GALNT17: variants seen among roughly 807,000 people sequenced by gnomAD.
GALNT17 encodes polypeptide N-acetylgalactosaminyltransferase 17, also known as UDP-GalNAc:polypeptide N-acetylgalactosaminyltransferase-like 3.
GALNT17 carries 29 observed loss-of-function variants against 63.7 expected under a neutral mutation model. The observed-to-expected ratio is 0.46, with a 90% CI of 0.34 to 0.62. GALNT17 has a LOEUF of 0.62. Among genes scored for constraint, GALNT17 ranks in the 20% least tolerant of loss-of-function variants. The pLI is 0.01. For missense variants in GALNT17, 603 were observed against 799.6 expected, an observed-to-expected ratio of 0.75 and a Z score of 2.97; for synonymous variants, 305 against 318.3, an observed-to-expected ratio of 0.96 and a Z score of 0.45.
intron 5 of GALNT17, among the ~76,000 whole-genome samples, chr7:71,491,767 T>C (rs145089409): frequency 8.5e-5 from 13 of 152,314 alleles, no homozygotes; most frequent in African/African-American, 3.1e-4. Context: ...TCTGCATTTC[T>C]AGCAAGTACC....
Position 71,539,223 on chromosome 7 carries a change from C to T in GALNT17, c.963-32062C>T, listed in dbSNP as rs144336905. Reference sequence around the variant, plus strand: ...CTGGCATTACAGGCATGAGCCACACCGTGCCCAGCCTCAGGATACTCATTG... The same window carrying T: ...CTGGCATTACAGGCATGAGCCACACTGTGCCCAGCCTCAGGATACTCATTG... On this transcript the variant is annotated intron_variant, in intron 5 of 10. Transcript: ENST00000333538. 9.2e-5 allele frequency among the ~76,000 whole-genome samples: 14 copies of T among 152,236 alleles called. No individual in the cohort carries two copies. The East Asian group carries it at 2.5e-3, about 27-fold the overall frequency.
intron 5 of GALNT17, among the ~76,000 whole-genome samples, chr7:71,425,755 C>T (rs1273409339): frequency 6.6e-6 from 1 of 151,906 alleles, no homozygotes; most frequent in Non-Finnish European, 1.5e-5. Context: ...CAGTGGGCAC[C>T]TGTGGTATGT....
At chr7:71,238,127 G>C (rs1253149485) in intron 1 of GALNT17, among the ~76,000 whole-genome samples, 1 of 152,144 alleles carries the variant, frequency 6.6e-6, no homozygotes, top group East Asian at 1.9e-4. Context: ...CTCCCCTGTG[G>C]CACAGAGCAC....
At chr7:71,258,046 A>G (rs926013680) in intron 1 of GALNT17, among the ~76,000 whole-genome samples, 4 of 152,124 alleles carry the variant, frequency 2.6e-5, no homozygotes, top group African/African-American at 9.7e-5. Flanking sequence ...AATACCAATG[A>G]ATTGAGACGG....
intron 1 of GALNT17, among the ~76,000 whole-genome samples, chr7:71,271,964 G>A (rs1790601147): frequency 6.6e-6 from 1 of 152,150 alleles, no homozygotes; most frequent in South Asian, 2.1e-4. Flanking sequence ...TCCCTATGTT[G>A]GCCAGGCTGA....
chr7:71,532,395 G>A (rs1171877520), intron 5 of GALNT17, among the ~76,000 whole-genome samples: 1 of 152,104 alleles, frequency 6.6e-6, no homozygotes, highest in African/African-American at 2.4e-5. Context: ...GAGGAGAAGA[G>A]ACAGATCATT....
intron 3 of GALNT17, among the ~76,000 whole-genome samples, chr7:71,391,060 C>T (rs1583913201): frequency 6.6e-6 from 1 of 152,232 alleles, no homozygotes; most frequent in African/African-American, 2.4e-5. Context: ...ACAGTGGACT[C>T]TCTGAACTGG....
chr7:71,665,704 A>T (rs1254933639), intron 7 of GALNT17, 108 bp downstream of exon 7: 1 of 1,322,868 alleles, frequency 7.6e-7, no homozygotes, highest in Admixed American at 2.9e-5. Context: ...GCTCATGCTT[A>T]GAAAAATTAT....
At position 71,386,778 on chromosome 7, in the gene GALNT17, G is replaced by A. The variant is rs115518831; in HGVS notation, c.423-1457G>A. On this transcript the variant is annotated intron_variant, in intron 2 of 10. Transcript: ENST00000333538. The stretch of plus-strand genomic sequence containing the variant: ...CTCCAGGGAGGTTCTAGGACTTCCC[G>A]AAGAAGAGCTGGTGTGCCTTAGGTT... 4.7e-3 allele frequency among the ~76,000 whole-genome samples: 718 copies of A among 152,268 alleles called. 4 individuals are homozygous for A. Among genetic ancestry groups the A allele is most frequent in the African/African-American group, 0.016 (683 of 41,554 alleles).
intron 1 of GALNT17, among the ~76,000 whole-genome samples, chr7:71,321,731 TA>T (rs1346018774): frequency 6.6e-6 from 1 of 150,540 alleles, no homozygotes; most frequent in African/African-American, 2.4e-5. Flanking sequence ...CCTCAGCCTC[TA>T]TATTGGCTAG....
chr7:71,216,887 T>C (rs1483722774), intron 1 of GALNT17, among the ~76,000 whole-genome samples: 1 of 152,230 alleles, frequency 6.6e-6, no homozygotes, highest in Non-Finnish European at 1.5e-5. Flanking sequence ...GTCATTTATT[T>C]TCTCCTTTAT....
intron 6 of GALNT17, among the ~76,000 whole-genome samples, chr7:71,587,142 C>G (rs1017495468): frequency 3.9e-5 from 6 of 152,176 alleles, no homozygotes; most frequent in Admixed American, 3.9e-4. Context: ...ATTCTCCTGC[C>G]TCAGCCTTCT....
chr7:71,196,842 C>T (rs139488149), intron 1 of GALNT17, among the ~76,000 whole-genome samples: 2,152 of 151,772 alleles, frequency 0.014, 61 homozygotes, highest in African/African-American at 0.049. Flanking sequence ...TTAGTAGAGA[C>T]GGGGTTTCAC....
intron 6 of GALNT17, among the ~76,000 whole-genome samples, chr7:71,632,269 GC>G (rs1256009143): frequency 6.6e-6 from 1 of 152,164 alleles, no homozygotes; most frequent in Non-Finnish European, 1.5e-5. Flanking sequence ...TGGAAGCAAG[GC>G]CCTGGGGGAC....
intron 1 of GALNT17, among the ~76,000 whole-genome samples, chr7:71,187,282 C>CTTTTT (rs752197934): frequency 5.7e-5 from 8 of 141,086 alleles, no homozygotes; most frequent in African/African-American, 1.1e-4. Context: ...GCTAATTTTT[C>CTTTTT]TTTCTTTTTT....
At chr7:71,404,612 T>C (rs139896337) in intron 3 of GALNT17, among the ~76,000 whole-genome samples, 4 of 152,336 alleles carry the variant, frequency 2.6e-5, no homozygotes, top group East Asian at 3.9e-4. Context: ...TTCCTCACCA[T>C]GGCTATTCTT....
intron 1 of GALNT17, among the ~76,000 whole-genome samples, chr7:71,178,138 T>C (rs956601403): frequency 1.3e-5 from 2 of 151,660 alleles, no homozygotes; most frequent in African/African-American, 4.8e-5. Context: ...TATTTGAAAA[T>C]GTTTATGTTT....
At chr7:71,296,013 T>C (rs963896991) in intron 1 of GALNT17, among the ~76,000 whole-genome samples, 4 of 152,216 alleles carry the variant, frequency 2.6e-5, no homozygotes, top group Non-Finnish European at 5.9e-5. Flanking sequence ...TCTTATCTTT[T>C]ATTAAAGACA....
chr7:71,169,973 ATT>A lies in GALNT17; in HGVS notation c.238+36945_238+36946del, dbSNP rs377000583. Among the ~76,000 whole-genome samples the A allele has an allele frequency of 3.4e-4, 46 of 135,634 alleles. 1 individual carries two copies. The highest frequency in any genetic ancestry group is 1.0e-3 in the African/African-American group (37 of 36,822). The allele number at this position is 135,634 out of a possible 152,430, so 89.0% of individuals were successfully genotyped here. On this transcript the variant is annotated intron_variant, in intron 1 of 10. Transcript: ENST00000333538. ...GATAACACTTTATCTTACCTTCATC[ATT>A]TTTTTTTTTTTAGATGGGGTCTTGC...
Sources: gnomAD v4.1 joint callset for allele counts (sites outside exome capture counted in the v4.1 genomes callset) on GRCh38, gnomAD v4.1.1 for gene constraint, MANE v1.5 for transcripts, NCBI Gene and HGNC (gene_info 2026-07-23, HGNC 2026-07-21) for gene names.